POLA1: variants seen among roughly 807,000 people sequenced by gnomAD.
POLA1 encodes DNA polymerase alpha catalytic subunit.
POLA1 carries 15 observed loss-of-function variants against 124.0 expected under a neutral mutation model. That is an observed-to-expected ratio of 0.12 (90% CI 0.08 to 0.19). POLA1 has a LOEUF of 0.19. POLA1 is among the 10% of genes least tolerant of loss of function. The pLI is 1.00. For synonymous variants in POLA1, 408 were observed against 389.4 expected (o/e 1.05, Z -0.56); for missense variants, 886 against 1,103.4 (o/e 0.80, Z 2.79).
intron 36 of POLA1, among the ~76,000 whole-genome samples, chrX:24,969,389 C>A (rs1350172689): frequency 9.1e-6 from 1 of 110,254 alleles, no homozygotes; most frequent in Non-Finnish European, 1.9e-5. Flanking sequence ...TCCCCATGCA[C>A]CCCAGGAAAG....
chrX:24,731,260 A>G (rs147933318), intron 15 of POLA1, among the ~76,000 whole-genome samples: 151 of 112,089 alleles, frequency 1.3e-3, no homozygotes, highest in African/African-American at 4.7e-3. Context: ...AATCCATACT[A>G]TGGGGCACTC....
chrX:24,775,247 G>A (rs966984214), intron 26 of POLA1: 11 of 111,219 alleles, frequency 9.9e-5, no homozygotes, highest in African/African-American at 3.3e-4. Context: ...TGGCACCACC[G>A]CATTTTGCTG....
At chrX:24,793,854 G>A (rs2045556194) in intron 26 of POLA1, among the ~76,000 whole-genome samples, 1 of 111,299 alleles carries the variant, frequency 9.0e-6, no homozygotes, top group African/African-American at 3.3e-5. Flanking sequence ...CAAATTGCTG[G>A]GATTACAGGT....
intron 26 of POLA1, among the ~76,000 whole-genome samples, chrX:24,784,695 T>C (rs2045331652): frequency 9.0e-6 from 1 of 111,332 alleles, no homozygotes; most frequent in Non-Finnish European, 1.9e-5. Flanking sequence ...AAAAAATAAA[T>C]AAAAATAAAA....
intron 35 of POLA1, among the ~76,000 whole-genome samples, chrX:24,895,973 C>T (rs1019071647): frequency 9.0e-6 from 1 of 111,696 alleles, no homozygotes; most frequent in African/African-American, 3.3e-5. Context: ...TAATGGAAGA[C>T]TTAGGGAAAT....
At chrX:24,980,222 T>C (rs2048406320) in intron 36 of POLA1, among the ~76,000 whole-genome samples, 1 of 112,022 alleles carries the variant, frequency 8.9e-6, no homozygotes, top group East Asian at 2.8e-4. Flanking sequence ...ATTTTGATGT[T>C]AACAGATCCG....
At chrX:24,894,702 A>G (rs908220024) in intron 35 of POLA1, among the ~76,000 whole-genome samples, 1 of 111,112 alleles carries the variant, frequency 9.0e-6, no homozygotes, top group African/African-American at 3.3e-5. Flanking sequence ...CTCATATTGG[A>G]CTAAGGCCCA....
At chrX:24,819,877 G>C (rs1020419624) in intron 30 of POLA1, among the ~76,000 whole-genome samples, 1 of 111,251 alleles carries the variant, frequency 9.0e-6, no homozygotes, top group Non-Finnish European at 1.9e-5. Flanking sequence ...TCTTTGTTCA[G>C]CTCCCACTTA....
intron 35 of POLA1, among the ~76,000 whole-genome samples, chrX:24,909,058 C>T: frequency 8.9e-6 from 1 of 112,087 alleles, no homozygotes; most frequent in East Asian, 2.8e-4. Flanking sequence ...TGTTCATATC[C>T]TCCGCCCACT....
chrX:24,951,003 A>G (rs963618753), intron 36 of POLA1, among the ~76,000 whole-genome samples: 2 of 111,994 alleles, frequency 1.8e-5, no homozygotes, highest in Non-Finnish European at 3.8e-5. Context: ...CAGAGATGTT[A>G]TAACATAGGA....
intron 35 of POLA1, among the ~76,000 whole-genome samples, chrX:24,895,549 A>G (rs16983240): frequency 0.049 from 5,539 of 112,149 alleles, 362 homozygotes; most frequent in African/African-American, 0.17. Flanking sequence ...GTCATGTGGA[A>G]ATAATTGCTC....
At chrX:24,890,509 T>C (rs2147143371) in intron 35 of POLA1, among the ~76,000 whole-genome samples, 1 of 112,504 alleles carries the variant, frequency 8.9e-6, no homozygotes, top group South Asian at 3.7e-4. Context: ...ATTTTTTCTT[T>C]ATTTGACATT....
chrX:24,964,339 G>GTTA (rs993601271), intron 36 of POLA1, among the ~76,000 whole-genome samples: 5 of 112,567 alleles, frequency 4.4e-5, no homozygotes, highest in Non-Finnish European at 9.4e-5. Flanking sequence ...GTAAATTATA[G>GTTA]TTATTAGAGT....
intron 34 of POLA1, among the ~76,000 whole-genome samples, chrX:24,856,048 A>C (rs751209546): frequency 1.2e-4 from 13 of 112,112 alleles, no homozygotes; most frequent in Admixed American, 1.9e-4. Flanking sequence ...TAACCTACTC[A>C]AGTCTATAGC....
Position 24,930,455 on chromosome X carries a change from T to C in POLA1, c.4167T>C (p.Tyr1389=), listed in dbSNP as rs1477239464. ...ATTTATTTTCTGTTATATTACAGTA[T>C]TCTGACAAGTCCCTGTACACCCAGC... ...ACMKATLQPE[Y]SDKSLYTQLC... The change falls in exon 36 of 37, where the codon TAT becomes TAC. Residue 1389 remains tyrosine (Y), a splice_region_variant and synonymous_variant. Transcript: ENST00000379068. 8.6e-7 allele frequency: 1 copy of C among 1,159,605 alleles called. No homozygotes were observed. Among genetic ancestry groups the C allele is most frequent in the Admixed American group, 2.2e-5 (1 of 46,057 alleles).
intron 26 of POLA1, among the ~76,000 whole-genome samples, chrX:24,777,857 G>A (rs1482115934): frequency 1.8e-5 from 2 of 112,069 alleles, no homozygotes. Context: ...GTGTGGGCAG[G>A]TAATCACTTG....
intron 36 of POLA1, among the ~76,000 whole-genome samples, chrX:24,955,157 T>G (rs753456300): frequency 9.4e-6 from 1 of 106,634 alleles, no homozygotes; most frequent in Admixed American, 9.9e-5. Flanking sequence ...TGTTTTTGGT[T>G]TTTTTTTTTT....
At chrX:24,859,638 G>T (rs1411883017) in intron 34 of POLA1, among the ~76,000 whole-genome samples, 2 of 112,302 alleles carry the variant, frequency 1.8e-5, no homozygotes, top group Non-Finnish European at 3.8e-5. Flanking sequence ...TTCCCTCACA[G>T]GCCTTGAGCT....
At chrX:24,937,735 A>G (rs1038171142) in intron 36 of POLA1, among the ~76,000 whole-genome samples, 30 of 112,364 alleles carry the variant, frequency 2.7e-4, no homozygotes, top group African/African-American at 9.7e-4. Flanking sequence ...CTGCATTTTA[A>G]CAAGATCCTC....
Sources: allele counts gnomAD v4.1 joint callset (sites outside exome capture counted in the v4.1 genomes callset), GRCh38; gene constraint gnomAD v4.1.1; transcripts MANE v1.5; gene names NCBI Gene and HGNC (gene_info 2026-07-23, HGNC 2026-07-21).